COG5: variants seen among roughly 807,000 people sequenced by gnomAD.
COG5 encodes conserved oligomeric Golgi complex subunit 5.
Under a neutral mutation model 110.4 loss-of-function variants are expected in COG5, and 86 were observed. That is an observed-to-expected ratio of 0.78 (90% CI 0.65 to 0.93). COG5 has a LOEUF of 0.93. Among genes scored for constraint, COG5 ranks in the 40% least tolerant of loss-of-function variants. The pLI, the probability that COG5 is intolerant of heterozygous loss-of-function variation, is 0.00. For missense variants in COG5, 1,077 were observed against 987.0 expected, an observed-to-expected ratio of 1.09 and a Z score of -1.22; for synonymous variants, 360 against 334.6, an observed-to-expected ratio of 1.08 and a Z score of -0.83.
intron 19 of COG5, among the ~76,000 whole-genome samples, chr7:107,218,683 C>G (rs1486550156): frequency 6.6e-6 from 1 of 151,924 alleles, no homozygotes; most frequent in Non-Finnish European, 1.5e-5. Flanking sequence ...TAGGTCATAC[C>G]ATATAAAAAA....
At chr7:107,475,914 A>C (rs951838573) in intron 6 of COG5, among the ~76,000 whole-genome samples, 30 of 151,450 alleles carry the variant, frequency 2.0e-4, no homozygotes, top group African/African-American at 7.3e-4. Flanking sequence ...TTATTCTTTT[A>C]AATGTAAAAA....
At chr7:107,512,277 G>A (rs1024540492) in intron 6 of COG5, among the ~76,000 whole-genome samples, 29 of 152,114 alleles carry the variant, frequency 1.9e-4, no homozygotes, top group Non-Finnish European at 3.4e-4. Flanking sequence ...GCCAAATCAT[G>A]AGTGAACTCC....
At chr7:107,334,056 CACTAGGTATATATCCAA>C (rs1214377193) in intron 10 of COG5, among the ~76,000 whole-genome samples, 1 of 152,110 alleles carries the variant, frequency 6.6e-6, no homozygotes, top group East Asian at 1.9e-4. Context: ...GCAATCCCAG[CACTAGGTATATATCCAA>C]AGGAAAGGAA....
chr7:107,546,738 C>G (rs565518476), intron 5 of COG5, among the ~76,000 whole-genome samples: 2 of 151,894 alleles, frequency 1.3e-5, no homozygotes, highest in South Asian at 2.1e-4. Flanking sequence ...TTATAAGAAA[C>G]TACTATGAAC....
intron 6 of COG5, among the ~76,000 whole-genome samples, chr7:107,425,199 C>T (rs567181765): frequency 2.6e-5 from 4 of 152,072 alleles, no homozygotes; most frequent in East Asian, 3.9e-4. Flanking sequence ...CTGGTTTAGA[C>T]GCAATACTAA....
intron 6 of COG5, among the ~76,000 whole-genome samples, chr7:107,457,648 C>T (rs1170398976): frequency 6.6e-6 from 1 of 151,900 alleles, no homozygotes; most frequent in Non-Finnish European, 1.5e-5. Context: ...CCAGGATGGT[C>T]TCGATCTCCT....
At chr7:107,541,094 T>A (rs1462275934) in intron 5 of COG5, among the ~76,000 whole-genome samples, 7 of 150,086 alleles carry the variant, frequency 4.7e-5, no homozygotes, top group African/African-American at 1.7e-4. Flanking sequence ...GAGGTTGCAG[T>A]GAGCCAAGAT....
At chr7:107,427,647 TCAG>T (rs1267276285) in intron 6 of COG5, among the ~76,000 whole-genome samples, 2 of 152,078 alleles carry the variant, frequency 1.3e-5, no homozygotes, top group East Asian at 3.9e-4. Context: ...GAAGCCTCGC[TCAG>T]CCCCAGGCCT....
chr7:107,545,312 T>C (rs1802330590), intron 5 of COG5, among the ~76,000 whole-genome samples: 1 of 152,078 alleles, frequency 6.6e-6, no homozygotes. Context: ...TAAACAAGAC[T>C]ACCCCAAGAT....
chr7:107,326,897 C>A (rs149257386), intron 10 of COG5, among the ~76,000 whole-genome samples: 11 of 152,092 alleles, frequency 7.2e-5, no homozygotes, highest in Admixed American at 2.0e-4. Flanking sequence ...TATTACAGAG[C>A]CAGGTGCAGT....
At chr7:107,207,077 T>C (rs545275166) in intron 21 of COG5, among the ~76,000 whole-genome samples, 5 of 152,338 alleles carry the variant, frequency 3.3e-5, no homozygotes, top group African/African-American at 9.6e-5. Flanking sequence ...GAAGTTTTCA[T>C]GGAAAACAAC....
chr7:107,410,294 T>TGAA (rs1792185510), intron 7 of COG5, among the ~76,000 whole-genome samples: 1 of 151,998 alleles, frequency 6.6e-6, no homozygotes, highest in South Asian at 2.1e-4. Context: ...ATCAGTTAGG[T>TGAA]GAATAGTTGA....
At chr7:107,295,909 G>C (rs1008370742) in intron 12 of COG5, among the ~76,000 whole-genome samples, 3 of 152,090 alleles carry the variant, frequency 2.0e-5, no homozygotes, top group Non-Finnish European at 4.4e-5. Flanking sequence ...CTCTTGCTCA[G>C]CCTCCCAAGT....
At chr7:107,520,461 T>C (rs139709996) in intron 6 of COG5, among the ~76,000 whole-genome samples, 280 of 152,210 alleles carry the variant, frequency 1.8e-3, no homozygotes, top group Non-Finnish European at 3.2e-3. Flanking sequence ...GGATACAAAA[T>C]CAATGTGCAA....
chr7:107,210,989 A>T, intron 20 of COG5, 110 bp downstream of exon 20: 1 of 1,279,246 alleles, frequency 7.8e-7, no homozygotes, highest in Non-Finnish European at 1.1e-6. Flanking sequence ...GACATAAGCA[A>T]CTAAACAAAG....
At chr7:107,539,903 T>A (rs1473576431) in intron 5 of COG5, among the ~76,000 whole-genome samples, 2 of 152,134 alleles carry the variant, frequency 1.3e-5, no homozygotes, top group Non-Finnish European at 2.9e-5. Context: ...CTGTGATCTT[T>A]GAGAGAAACA....
At chr7:107,230,783 G>A (rs1366673674) in intron 18 of COG5, 92 bp from the exon 19 acceptor site, 6 of 990,098 alleles carry the variant, frequency 6.1e-6, no homozygotes, top group East Asian at 2.4e-5. Context: ...GTAGCTTGCA[G>A]TAAACTTAAT....
chr7:107,345,435 T>G (rs1460198362), intron 10 of COG5, among the ~76,000 whole-genome samples: 1 of 152,178 alleles, frequency 6.6e-6, no homozygotes, highest in Non-Finnish European at 1.5e-5. Flanking sequence ...AGTATCTGTG[T>G]AGCACAATAG....
intron 6 of COG5, among the ~76,000 whole-genome samples, chr7:107,524,901 A>G (rs894094135): frequency 1.8e-4 from 28 of 152,124 alleles, no homozygotes; most frequent in African/African-American, 4.6e-4. Flanking sequence ...ATTATGATCA[A>G]TACTTGTGCC....
Sources: gnomAD v4.1 joint callset for allele counts (sites outside exome capture counted in the v4.1 genomes callset) on GRCh38, gnomAD v4.1.1 for gene constraint, MANE v1.5 for transcripts, NCBI Gene and HGNC (gene_info 2026-07-23, HGNC 2026-07-21) for gene names.